The following EML1 variants were observed in gnomAD, a reference collection of about 807,000 sequenced individuals.
EML1 encodes echinoderm microtubule-associated protein-like 1.
In EML1, 27 loss-of-function variants were observed where a neutral mutation model predicts 110.4. The observed-to-expected ratio is 0.24, with a 90% CI of 0.18 to 0.34. The LOEUF is 0.34. EML1 is among the 10% of genes least tolerant of loss of function. The probability of loss-of-function intolerance (pLI) is 1.00; values close to 1 mark genes in which losing one functional copy is unlikely to be tolerated. For synonymous variants in EML1, 344 were observed against 385.8 expected (o/e 0.89, Z 1.27); for missense variants, 741 against 1,030.9 (o/e 0.72, Z 3.85).
At chr14:99,923,583 T>C (rs1465123648) in intron 17 of EML1, among the ~76,000 whole-genome samples, 2 of 152,272 alleles carry the variant, frequency 1.3e-5, no homozygotes, top group Admixed American at 6.5e-5. Context: ...ATGACACTTT[T>C]GTCAAAAATC....
chr14:99,796,298 TCTTATA>T (rs1408999032), intron 1 of EML1, among the ~76,000 whole-genome samples: 2 of 151,984 alleles, frequency 1.3e-5, no homozygotes, highest in Non-Finnish European at 2.9e-5. Flanking sequence ...TTCTGTCTTC[TCTTATA>T]CTTCTTTCTT....
upstream of EML1, among the ~76,000 whole-genome samples, chr14:99,771,075 C>G (rs1363518305): frequency 6.6e-6 from 1 of 152,154 alleles, no homozygotes; most frequent in African/African-American, 2.4e-5. Flanking sequence ...TGAGCCACCG[C>G]GCCCGGCCTC....
chr14:99,935,588 C>A (rs1326766772), intron 17 of EML1, among the ~76,000 whole-genome samples: 1 of 152,100 alleles, frequency 6.6e-6, no homozygotes, highest in African/African-American at 2.4e-5. Flanking sequence ...TCGAGACCAT[C>A]CTGGCTAACA....
At chr14:99,765,616 T>TA (rs1049007432) in intron 1 of EML1, among the ~76,000 whole-genome samples, 20 of 150,062 alleles carry the variant, frequency 1.3e-4, no homozygotes, top group African/African-American at 4.0e-4. Context: ...TATATATATA[T>TA]TTTTTGAGAC....
intron 1 of EML1, among the ~76,000 whole-genome samples, chr14:99,799,075 C>T (rs1023108017): frequency 6.6e-6 from 1 of 152,120 alleles, no homozygotes. Context: ...CTGACTGGAG[C>T]GTATCTGCCA....
intron 1 of EML1, among the ~76,000 whole-genome samples, chr14:99,750,748 G>C (rs2057166165): frequency 6.6e-6 from 1 of 152,090 alleles, no homozygotes; most frequent in African/African-American, 2.4e-5. Flanking sequence ...AGGCAGGATG[G>C]GTTCTAGGTG....
At chr14:99,914,821 T>C (rs1397446751) in intron 15 of EML1, 124 bp downstream of exon 15, 2 of 1,298,532 alleles carry the variant, frequency 1.5e-6, no homozygotes, top group Non-Finnish European at 2.1e-6. Context: ...TTTATCTATT[T>C]AGAGTTGCCT....
chr14:99,878,077 G>C (rs1484240714), intron 3 of EML1, among the ~76,000 whole-genome samples: 1 of 152,006 alleles, frequency 6.6e-6, no homozygotes, highest in Admixed American at 6.6e-5. Context: ...TAATTCGTCG[G>C]CTATCGTTAG....
chr14:99,851,875 T>TCC (rs1396978170), intron 2 of EML1, among the ~76,000 whole-genome samples: 1 of 152,060 alleles, frequency 6.6e-6, no homozygotes, highest in African/African-American at 2.4e-5. Context: ...CATTAGCTCT[T>TCC]CCCCTCTTCT....
At chr14:99,838,387 C>T (rs1229381219) in intron 1 of EML1, among the ~76,000 whole-genome samples, 2 of 152,008 alleles carry the variant, frequency 1.3e-5, no homozygotes, top group African/African-American at 4.8e-5. Context: ...TTTGTTAAGT[C>T]AGTTTATAAA....
intron 16 of EML1, among the ~76,000 whole-genome samples, chr14:99,918,860 T>C (rs1020531971): frequency 3.3e-5 from 5 of 152,170 alleles, no homozygotes; most frequent in African/African-American, 9.7e-5. Flanking sequence ...CTAGCTGCCC[T>C]TTCAAAATTT....
intron 1 of EML1, among the ~76,000 whole-genome samples, chr14:99,752,499 C>G (rs558547942): frequency 5.3e-5 from 8 of 152,242 alleles, no homozygotes; most frequent in Non-Finnish European, 1.2e-4. Context: ...ATTGCCCCTA[C>G]ACCCCAGCAC....
upstream of EML1, among the ~76,000 whole-genome samples, chr14:99,791,849 G>C (rs1429588519): frequency 1.3e-5 from 2 of 152,080 alleles, no homozygotes; most frequent in Non-Finnish European, 2.9e-5. Flanking sequence ...CTCTTACCTG[G>C]CCCCTTGCCC....
chr14:99,740,771 T>C (rs1381931370), intron 1 of EML1, among the ~76,000 whole-genome samples: 2 of 152,212 alleles, frequency 1.3e-5, no homozygotes, highest in African/African-American at 2.4e-5. Flanking sequence ...AATGGGGGGT[T>C]CGTCAATTCT....
chr14:99,776,564 G>C (rs1034657899), intron 1 of EML1, among the ~76,000 whole-genome samples: 1 of 151,410 alleles, frequency 6.6e-6, no homozygotes, highest in African/African-American at 2.4e-5. Context: ...ATGTACAGCC[G>C]AACATTTTAC....
At chr14:99,801,047 A>G (rs1310188061) in intron 1 of EML1, among the ~76,000 whole-genome samples, 1 of 152,226 alleles carries the variant, frequency 6.6e-6, no homozygotes, top group African/African-American at 2.4e-5. Flanking sequence ...TGCATTTATC[A>G]TGGTGTGGTC....
chr14:99,770,985 C>G (rs2057422185), upstream of EML1, among the ~76,000 whole-genome samples: 2 of 151,872 alleles, frequency 1.3e-5, no homozygotes, highest in Admixed American at 6.6e-5. Flanking sequence ...GGGGTTTCAC[C>G]ACGTTAGCCA....
chr14:99,835,045 C>T (rs2058517156), intron 1 of EML1, among the ~76,000 whole-genome samples: 1 of 151,896 alleles, frequency 6.6e-6, no homozygotes. Context: ...AAGTCTCAAA[C>T]TCCTGAGCTC....
At chr14:99,900,664 A>G (rs556015249) in intron 8 of EML1, among the ~76,000 whole-genome samples, 1 of 152,212 alleles carries the variant, frequency 6.6e-6, no homozygotes, top group Non-Finnish European at 1.5e-5. Context: ...GTCAGTTCCC[A>G]TGGTACTATT....
Sources: gnomAD v4.1 joint callset for allele counts (sites outside exome capture counted in the v4.1 genomes callset) on GRCh38, gnomAD v4.1.1 for gene constraint, MANE v1.5 for transcripts, NCBI Gene and HGNC (gene_info 2026-07-23, HGNC 2026-07-21) for gene names.